The following USP13 variants were observed in gnomAD, a reference collection of about 807,000 sequenced individuals.
USP13 encodes the protein ubiquitin specific peptidase 13, also known as ubiquitin carboxyl-terminal hydrolase 13.
In USP13, 68 loss-of-function variants were observed where a neutral mutation model predicts 107.8. The observed-to-expected ratio is 0.63, with a 90% CI of 0.52 to 0.77. The LOEUF (loss-of-function observed/expected upper bound fraction) is 0.77. Ranked by LOEUF, USP13 falls within the 30% of genes least tolerant of loss-of-function variation. The pLI, the probability that USP13 is intolerant of heterozygous loss-of-function variation, is 0.00. For synonymous variants in USP13, 377 were observed against 389.5 expected, an observed-to-expected ratio of 0.97 and a Z score of 0.38; for missense variants, 945 against 1,093.3, an observed-to-expected ratio of 0.86 and a Z score of 1.91.
chr3:179,720,411 A>G (rs1440449045), intron 7 of USP13, among the ~76,000 whole-genome samples: 1 of 152,228 alleles, frequency 6.6e-6, no homozygotes, highest in Admixed American at 6.5e-5. Context: ...CATTAATTTC[A>G]GGGAGGGAAG....
rs111907246 is a variant in USP13 at position 179,694,270 on chromosome 3, C to T, written c.355+3969C>T. ...GATTACAGATGTGAGCCACTGTGCCCGGCCGATTCTGGTAACTTTAAACAA... is the reference window on the plus strand; with the variant it reads ...GATTACAGATGTGAGCCACTGTGCCTGGCCGATTCTGGTAACTTTAAACAA... On this transcript the variant is annotated intron_variant, in intron 3 of 20. Transcript: ENST00000263966. 9.1e-3 allele frequency among the ~76,000 whole-genome samples: 1,384 copies of T among 152,258 alleles called. 9 individuals are homozygous for T. The highest frequency in any genetic ancestry group is 0.058 in the Middle Eastern group (17 of 294).
chr3:179,720,043 T>C lies in USP13; in HGVS notation c.900+9T>C, dbSNP rs771588561. On this transcript the variant is annotated intron_variant, in intron 7 of 20. Transcript: ENST00000263966. ...TGCTTCATATGCATGGGGTGAGGTC[T>C]CCTTTTGTTTCTGTTTCCATCTTGC... The C allele has an allele frequency of 1.5e-5, 24 of 1,610,864 alleles. No individual in the cohort carries two copies. The Admixed American group carries it at 4.0e-4, about 27-fold the overall frequency.
At chr3:179,776,765 GAGATA>G (rs1426591664) in intron 19 of USP13, among the ~76,000 whole-genome samples, 2 of 151,438 alleles carry the variant, frequency 1.3e-5, no homozygotes, top group African/African-American at 4.9e-5. Flanking sequence ...AAGGCAGCTT[GAGATA>G]AGATAAACAT....
chr3:179,723,424 G>A (rs1713396862), intron 8 of USP13, among the ~76,000 whole-genome samples: 1 of 152,154 alleles, frequency 6.6e-6, no homozygotes, highest in South Asian at 2.1e-4. Flanking sequence ...GTAAGCAGGA[G>A]ATACAGGCAT....
intron 13 of USP13, among the ~76,000 whole-genome samples, chr3:179,746,040 G>C (rs1714394272): frequency 6.6e-6 from 1 of 151,894 alleles, no homozygotes; most frequent in African/African-American, 2.4e-5. Context: ...TTGGCTCCAG[G>C]AGTTTTGCTA....
At chr3:179,754,605 C>A in intron 14 of USP13, 127 bp from the exon 15 acceptor site, 3 of 1,260,482 alleles carry the variant, frequency 2.4e-6, no homozygotes, top group Non-Finnish European at 3.1e-6. Context: ...GGTCGAGCAA[C>A]ATATTCTAGG....
At chr3:179,666,039 G>T (rs1449187489) in intron 1 of USP13, among the ~76,000 whole-genome samples, 1 of 152,196 alleles carries the variant, frequency 6.6e-6, no homozygotes, top group Non-Finnish European at 1.5e-5. Context: ...GTGGACAAAG[G>T]TATGGAGTTG....
chr3:179,766,563 G>A (rs13319658), intron 19 of USP13, among the ~76,000 whole-genome samples: 4 of 152,054 alleles, frequency 2.6e-5, no homozygotes, highest in Non-Finnish European at 5.9e-5. Context: ...TCCTGAAGGG[G>A]TGTCTCAGGA....
chr3:179,700,142 T>C (rs1389809570), intron 3 of USP13, among the ~76,000 whole-genome samples: 1 of 152,116 alleles, frequency 6.6e-6, no homozygotes, highest in Non-Finnish European at 1.5e-5. Flanking sequence ...TCCCTGAGCC[T>C]TCGTTTAACC....
intron 19 of USP13, among the ~76,000 whole-genome samples, chr3:179,775,681 G>A (rs1016868267): frequency 6.6e-6 from 1 of 152,210 alleles, no homozygotes; most frequent in African/African-American, 2.4e-5. Flanking sequence ...GCTGAGGCCT[G>A]GCGAGAATTC....
chr3:179,783,358 C>T (rs986273567), intron 20 of USP13, among the ~76,000 whole-genome samples: 28 of 152,056 alleles, frequency 1.8e-4, no homozygotes, highest in Admixed American at 3.3e-4. Context: ...AATAAACACA[C>T]GTATTTACAA....
chr3:179,761,394 A>T, intron 17 of USP13, 139 bp downstream of exon 17: 3 of 1,156,972 alleles, frequency 2.6e-6, no homozygotes, highest in South Asian at 1.7e-5. Context: ...GTGGAGGAGA[A>T]AGCCAGTCTT....
Position 179,781,953 on chromosome 3 carries a change from T to A in USP13, c.2498+130T>A, listed in dbSNP as rs533485796. On this transcript the variant is annotated intron_variant, in intron 20 of 20. Transcript: ENST00000263966. ...CATTGGTCTTGTAAAGGGTATACTG[T>A]TAACGCCCTTTTGCACATCAAGACA... is the stretch of plus-strand genomic sequence containing the variant. The A allele has an allele frequency of 1.7e-5, 12 of 727,214 alleles. No homozygotes were observed. In the South Asian group the frequency reaches 2.6e-4, roughly 16 times the overall value. The allele number at this position is 727,214 out of a possible 1,614,324, so 45.0% of individuals were successfully genotyped here.
rs567481317 is a variant in USP13 at position 179,737,772 on chromosome 3, C to A, written c.1255-2475C>A. On this transcript the variant is annotated intron_variant, in intron 10 of 20. Coordinates refer to ENST00000263966, the MANE Select transcript of USP13 (RefSeq NM_003940.3). ...GTGTTTCAGGTCCTCTGTGGTGTTC[C>A]CTAACATTTGTTATCGATGCGTGTG... is the stretch of plus-strand genomic sequence containing the variant. 3.9e-5 allele frequency among the ~76,000 whole-genome samples: 6 copies of A among 152,280 alleles called. No individual in the cohort carries two copies. The East Asian group carries it at 1.2e-3, about 29-fold the overall frequency.
intron 19 of USP13, among the ~76,000 whole-genome samples, chr3:179,779,719 TA>T (rs113797839): frequency 0.27 from 28,187 of 103,708 alleles, 2,812 homozygotes; most frequent in African/African-American, 0.34. Context: ...AAGGGTTTGT[TA>T]AAAAAAAAAA....
At chr3:179,725,678 G>C (rs1713487845) in intron 8 of USP13, among the ~76,000 whole-genome samples, 1 of 152,172 alleles carries the variant, frequency 6.6e-6, no homozygotes, top group African/African-American at 2.4e-5. Flanking sequence ...AGTTATGGAA[G>C]TTAATCGTGT....
At chr3:179,756,520 G>A (rs1020389531) in intron 15 of USP13, among the ~76,000 whole-genome samples, 9 of 152,186 alleles carry the variant, frequency 5.9e-5, no homozygotes, top group Non-Finnish European at 1.3e-4. Context: ...GAGGTGGGAG[G>A]ATCACTTGAG....
In USP13 at chr3:179,662,969, A is replaced by T. The variant is rs1194949545; in HGVS notation, c.168+9576A>T. ...CTCCCTCTCTCTCTTTTTATTTTTT[A>T]AGTTGTGATAAAATACATATAACAT... On this transcript the variant is annotated intron_variant, in intron 1 of 20. Coordinates refer to ENST00000263966, the MANE Select transcript of USP13 (RefSeq NM_003940.3). Among the ~76,000 whole-genome samples, 4 of 152,232 alleles carry T rather than the reference A, an allele frequency of 2.6e-5. No individual in the cohort carries two copies. In the East Asian group the frequency reaches 7.7e-4, roughly 29 times the overall value.
intron 3 of USP13, among the ~76,000 whole-genome samples, chr3:179,694,174 C>T (rs1712205783): frequency 6.6e-6 from 1 of 151,972 alleles, no homozygotes; most frequent in African/African-American, 2.4e-5. Flanking sequence ...AGGGTTCTGC[C>T]ATGTTGCCCA....
Sources: allele counts gnomAD v4.1 joint callset (sites outside exome capture counted in the v4.1 genomes callset), GRCh38; gene constraint gnomAD v4.1.1; transcripts MANE v1.5; gene names NCBI Gene and HGNC (gene_info 2026-07-23, HGNC 2026-07-21).